Variants in ALDH3A2 observed in about 807,000 individuals in gnomAD.
ALDH3A2 encodes aldehyde dehydrogenase family 3 member A2.
Under a neutral mutation model 51.3 loss-of-function variants are expected in ALDH3A2, and 36 were observed. That is an observed-to-expected ratio of 0.70 (90% confidence interval 0.54 to 0.93). ALDH3A2 has a LOEUF of 0.93. Among genes scored for constraint, ALDH3A2 ranks in the 40% least tolerant of loss-of-function variants. The pLI, the probability that ALDH3A2 is intolerant of heterozygous loss-of-function variation, is 0.00. For synonymous variants in ALDH3A2, 199 were observed against 219.8 expected (o/e 0.91, Z 0.84); for missense variants, 552 against 603.1 (o/e 0.92, Z 0.89).
rs2085202107 is a variant in ALDH3A2, at chr17:19,677,115, A to T, written c.*1543A>T. 1.3e-5 allele frequency: 2 copies of T among 152,288 alleles called. No individual in the cohort carries two copies. Among genetic ancestry groups the T allele is most frequent in the Non-Finnish European group, 2.9e-5 (2 of 68,066 alleles). 9.4% of individuals were successfully genotyped at this position (152,288 alleles called of 1,614,324 possible). A position where few individuals can be genotyped will look rare whatever the true frequency, so the allele number is the denominator to read the frequency against. ...TGTGGAATGCAGCATTACCTGCTGG[A>T]CAGAGCAGGGCAGGCAGTTCTATGC... On this transcript the variant is annotated 3_prime_UTR_variant, in exon 10 of 10. Transcript: ENST00000176643.
intron 5 of ALDH3A2, among the ~76,000 whole-genome samples, chr17:19,658,121 A>AAAAAAGTTAAATAATCGTGTT (rs1303971012): frequency 1.3e-5 from 2 of 152,164 alleles, no homozygotes; most frequent in Non-Finnish European, 2.9e-5. Flanking sequence ...TACTTTTTTT[A>AAAAAAGTTAAATAATCGTGTT]AAAAAGTTAA....
chr17:19,658,116 T>G lies in ALDH3A2; in HGVS notation c.798+254T>G, dbSNP rs4646800. On this transcript the variant is annotated intron_variant, in intron 5 of 9. Transcript: ENST00000176643. ...TGATGATTAGTTGTGGCATATACTTTTTTTAAAAAAGTTAAATAATCGTGT... is the reference window on the plus strand; with the variant it reads ...TGATGATTAGTTGTGGCATATACTTGTTTTAAAAAAGTTAAATAATCGTGT... 0.31 allele frequency among the ~76,000 whole-genome samples: 47,425 copies of G among 152,040 alleles called. 7,612 individuals carry two copies. Among genetic ancestry groups the G allele is most frequent in the East Asian group, 0.52 (2,685 of 5,154 alleles).
chr17:19,666,291 CT>C (rs2152331586), intron 8 of ALDH3A2, among the ~76,000 whole-genome samples: 1 of 152,228 alleles, frequency 6.6e-6, no homozygotes, highest in African/African-American at 2.4e-5. Flanking sequence ...AAAGATTGGA[CT>C]CTGTTGTCTC....
intron 6 of ALDH3A2, among the ~76,000 whole-genome samples, chr17:19,662,470 T>C (rs538374814): frequency 4.5e-4 from 68 of 152,326 alleles, no homozygotes; most frequent in African/African-American, 1.6e-3. Flanking sequence ...AGATGACTTC[T>C]CTTTTGGTTG....
At position 19,675,596 on chromosome 17, in the gene ALDH3A2, A is replaced by G; in HGVS notation, c.*24A>G. 6.2e-7 allele frequency: 1 copy of G among 1,607,478 alleles called. No homozygotes were observed. Among genetic ancestry groups the G allele is most frequent in the Non-Finnish European group, 8.5e-7 (1 of 1,173,900 alleles). On this transcript the variant is annotated 3_prime_UTR_variant, in exon 10 of 10. Transcript: ENST00000176643. Reference sequence around the variant, plus strand: ...GAAGAATGATCCTGTTCAACCTCCTAGTGCCTCTACTGAATTATTCCTCTT... The same window carrying G: ...GAAGAATGATCCTGTTCAACCTCCTGGTGCCTCTACTGAATTATTCCTCTT...
intron 3 of ALDH3A2, 78 bp from the exon 4 acceptor site, chr17:19,656,288 T>A: frequency 7.9e-7 from 1 of 1,260,648 alleles, no homozygotes; most frequent in Non-Finnish European, 1.2e-6. Flanking sequence ...TGTTACATGT[T>A]TATGTTGAAG....
chr17:19,649,182 T>G, intron 1 of ALDH3A2, 58 bp downstream of exon 1: 1 of 1,525,860 alleles, frequency 6.6e-7, no homozygotes, highest in Non-Finnish European at 8.9e-7. Flanking sequence ...ACTTGTGGAC[T>G]GGAGCTTCGG....
In ALDH3A2 at chr17:19,675,962, C is replaced by T. The variant is rs1255273961; in HGVS notation, c.*390C>T. 1.4e-5 allele frequency: 4 copies of T among 292,568 alleles called. No individual in the cohort carries two copies. The highest frequency in any genetic ancestry group is 6.6e-5 in the African/African-American group (3 of 45,454). 18.1% of individuals were successfully genotyped at this position (292,568 alleles called of 1,614,324 possible). A position where few individuals can be genotyped will look rare whatever the true frequency, so the allele number is the denominator to read the frequency against. On this transcript the variant is annotated 3_prime_UTR_variant, in exon 10 of 10. Coordinates refer to ENST00000176643, the MANE Select transcript of ALDH3A2 (RefSeq NM_000382.3). Reference sequence around the variant, plus strand: ...TGCCACCATCACTGTGTGAAGCTTTCAAGAGCTTGGTACTTCCCAGGGCTA... The same window carrying T: ...TGCCACCATCACTGTGTGAAGCTTTTAAGAGCTTGGTACTTCCCAGGGCTA...
intron 8 of ALDH3A2, among the ~76,000 whole-genome samples, chr17:19,666,646 G>A (rs975157097): frequency 6.6e-6 from 1 of 152,002 alleles, no homozygotes; most frequent in African/African-American, 2.4e-5. Flanking sequence ...GTGTGGTGGT[G>A]CGTGCCTGTA....
intron 8 of ALDH3A2, among the ~76,000 whole-genome samples, 188 bp from the exon 9 acceptor site, chr17:19,671,533 A>T (rs1421463945): frequency 1.3e-5 from 2 of 152,210 alleles, no homozygotes; most frequent in Non-Finnish European, 2.9e-5. Flanking sequence ...ATCCTGTTTG[A>T]CAGGGAAATT....
At chr17:19,661,569 G>A (rs1194331118) in intron 6 of ALDH3A2, 1 of 336,746 alleles carries the variant, frequency 3.0e-6, no homozygotes, top group Non-Finnish European at 5.5e-6. Flanking sequence ...TCTGTAGTTT[G>A]TGGATGGGAA....
At chr17:19,665,411 T>TGTGTGTG in intron 8 of ALDH3A2, among the ~76,000 whole-genome samples, 1 of 144,390 alleles carries the variant, frequency 6.9e-6, no homozygotes, top group African/African-American at 2.7e-5. Flanking sequence ...GTGTGTGTGG[T>TGTGTGTG]GTGTGTGTTT....
chr17:19,658,073 A>G (rs1185306771), intron 5 of ALDH3A2, among the ~76,000 whole-genome samples: 2 of 152,182 alleles, frequency 1.3e-5, no homozygotes, highest in Admixed American at 6.5e-5. Flanking sequence ...ATCTACTTAA[A>G]CTGTCTAGTT....
chr17:19,657,665 A>G, intron 4 of ALDH3A2, 80 bp from the exon 5 acceptor site: 1 of 1,117,984 alleles, frequency 8.9e-7, no homozygotes, highest in East Asian at 2.4e-5. Context: ...GTTGCAAGAC[A>G]TTCAAACAAC....
Position 19,649,055 on chromosome 17 carries a change from G to C in ALDH3A2, c.84G>C (p.Glu28Asp), listed in dbSNP as rs900281461. 6.3e-7 allele frequency: 1 copy of C among 1,584,164 alleles called. No individual in the cohort carries two copies. The highest frequency in any genetic ancestry group is 1.8e-5 in the Admixed American group (1 of 55,222). ...TGCGGTTTCGGCTGCAGCAGCTGGAGGCCCTGCGGAGGATGGTGCAGGAGC... is the reference window on the plus strand; with the variant it reads ...TGCGGTTTCGGCTGCAGCAGCTGGACGCCCTGCGGAGGATGGTGCAGGAGC... Reference protein sequence around the residue: ...RPLRFRLQQLEALRRMVQERE... With the variant: ...RPLRFRLQQLDALRRMVQERE... Residue 28 changes from glutamate to aspartate, a missense_variant, in exon 1 of 10, where the codon GAG (glutamate) becomes GAC (aspartate). By Grantham distance (45) the Glu-to-Asp change is conservative. Coordinates refer to ENST00000176643, the MANE Select transcript of ALDH3A2 (RefSeq NM_000382.3).
At chr17:19,661,381 A>G (rs2084964811) in intron 6 of ALDH3A2, 113 bp downstream of exon 6, 1 of 1,264,830 alleles carries the variant, frequency 7.9e-7, no homozygotes, top group Non-Finnish European at 1.1e-6. Context: ...TTGTTAAAGT[A>G]CTAAATCCTG....
At chr17:19,668,520 T>G (rs1488826023) in intron 8 of ALDH3A2, among the ~76,000 whole-genome samples, 1 of 152,066 alleles carries the variant, frequency 6.6e-6, no homozygotes, top group Non-Finnish European at 1.5e-5. Flanking sequence ...AGTGCTGGGA[T>G]TACAGGCATG....
chr17:19,673,713 G>A lies in ALDH3A2; in HGVS notation c.1443+1757G>A, dbSNP rs550593467. On this transcript the variant is annotated intron_variant, in intron 9 of 9. Coordinates refer to ENST00000176643, the MANE Select transcript of ALDH3A2 (RefSeq NM_000382.3). ...ACCCTGGGTGACAGAGCAAGACTCC[G>A]TCTCCAAAAAAAAAGAAAGAAAAAA... is the stretch of plus-strand genomic sequence containing the variant. Among the ~76,000 whole-genome samples, 264 of 151,854 alleles carry A rather than the reference G, an allele frequency of 1.7e-3. 1 individual carries two copies. The highest frequency in any genetic ancestry group is 5.1e-3 in the African/African-American group (212 of 41,412).
intron 1 of ALDH3A2, 85 bp downstream of exon 1, chr17:19,649,209 C>CT: frequency 1.3e-6 from 2 of 1,500,684 alleles, no homozygotes; most frequent in Non-Finnish European, 1.8e-6. Flanking sequence ...TTTGTTTTTG[C>CT]TTTTACATTT....
Sources: allele counts gnomAD v4.1 joint callset (sites outside exome capture counted in the v4.1 genomes callset), GRCh38; gene constraint gnomAD v4.1.1; transcripts MANE v1.5; gene names NCBI Gene and HGNC (gene_info 2026-07-23, HGNC 2026-07-21).